The following RGL1 variants were observed in gnomAD, a reference collection of about 807,000 sequenced individuals.
RGL1 encodes ral guanine nucleotide dissociation stimulator like 1.
In RGL1, 24 loss-of-function variants were observed where a neutral mutation model predicts 95.2. That is an observed-to-expected ratio of 0.25 (90% CI 0.18 to 0.35). The LOEUF (loss-of-function observed/expected upper bound fraction) is 0.35, where lower values mean the gene tolerates loss of function less well. Ranked by LOEUF, RGL1 falls within the 10% of genes least tolerant of loss-of-function variation. The pLI is 1.00. For synonymous variants in RGL1, 329 were observed against 344.9 expected, an observed-to-expected ratio of 0.95 and a Z score of 0.51; for missense variants, 715 against 936.3, an observed-to-expected ratio of 0.76 and a Z score of 3.08.
chr1:183,822,960 A>G (rs1044370242), intron 2 of RGL1, among the ~76,000 whole-genome samples: 1 of 152,192 alleles, frequency 6.6e-6, no homozygotes, highest in African/African-American at 2.4e-5. Context: ...TTAATGCCAG[A>G]CATCTTTAAA....
At chr1:183,732,980 C>T (rs545660167) in intron 1 of RGL1, among the ~76,000 whole-genome samples, 29 of 152,226 alleles carry the variant, frequency 1.9e-4, no homozygotes, top group African/African-American at 6.5e-4. Context: ...TAAAATAATG[C>T]GAGGGTTTCA....
At chr1:183,872,737 A>G (rs2102614199) in intron 4 of RGL1, among the ~76,000 whole-genome samples, 1 of 152,338 alleles carries the variant, frequency 6.6e-6, no homozygotes, top group Middle Eastern at 3.4e-3. Context: ...GTGGAAAGTT[A>G]AAAAATCTTC....
chr1:183,706,717 G>A (rs1245545564), intron 1 of RGL1, among the ~76,000 whole-genome samples: 5 of 151,272 alleles, frequency 3.3e-5, no homozygotes, highest in Admixed American at 6.6e-5. Context: ...TGCGGCCCCC[G>A]TGGGCCCACA....
chr1:183,799,646 T>G (rs1391514579), intron 2 of RGL1, among the ~76,000 whole-genome samples: 2 of 152,252 alleles, frequency 1.3e-5, no homozygotes, highest in Admixed American at 6.5e-5. Flanking sequence ...ATTTTTAAAA[T>G]CAGGTTGGTT....
At chr1:183,768,767 A>C (rs367608939) in intron 2 of RGL1, among the ~76,000 whole-genome samples, 1 of 152,252 alleles carries the variant, frequency 6.6e-6, no homozygotes, top group East Asian at 1.9e-4. Context: ...CCAGCCAGTA[A>C]CTTCTGAATT....
intron 1 of RGL1, among the ~76,000 whole-genome samples, chr1:183,725,517 G>A (rs528851305): frequency 6.6e-6 from 1 of 151,982 alleles, no homozygotes; most frequent in African/African-American, 2.4e-5. Flanking sequence ...GAAAAGCTGG[G>A]AAAAGATAAA....
At chr1:183,779,810 A>G (rs923519499) in intron 2 of RGL1, among the ~76,000 whole-genome samples, 1 of 151,670 alleles carries the variant, frequency 6.6e-6, no homozygotes, top group African/African-American at 2.4e-5. Flanking sequence ...TTTTTTTTGA[A>G]TGATAGGAAA....
chr1:183,779,884 T>G (rs1421398013), intron 2 of RGL1, among the ~76,000 whole-genome samples: 1 of 152,044 alleles, frequency 6.6e-6, no homozygotes, highest in African/African-American at 2.4e-5. Flanking sequence ...AGTGTGTGGG[T>G]GAAGAATGTA....
chr1:183,793,649 C>T lies in RGL1; in HGVS notation c.133-12726C>T, dbSNP rs570471135. On this transcript the variant is annotated intron_variant, in intron 2 of 18. Coordinates refer to the RGL1 transcript ENST00000304685. ...CAGACATTTCTCAAAAAAAGACATA[C>T]AATTTGCCAACAGGTATATGAAAAA... 2.0e-5 allele frequency among the ~76,000 whole-genome samples: 3 copies of T among 151,706 alleles called. No homozygotes were observed. The East Asian group carries it at 5.8e-4, about 29-fold the overall frequency.
intron 1 of RGL1, among the ~76,000 whole-genome samples, chr1:183,643,581 G>A (rs1650086817): frequency 6.6e-6 from 1 of 152,010 alleles, no homozygotes. Context: ...GTGAGCCACC[G>A]CGCCCGGCCC....
chr1:183,669,055 G>A (rs1049277700), intron 1 of RGL1, among the ~76,000 whole-genome samples: 23 of 149,538 alleles, frequency 1.5e-4, no homozygotes, highest in African/African-American at 5.2e-4. Flanking sequence ...TGATTCTCCT[G>A]CCTCAGTCTC....
chr1:183,923,652 G>T (rs7552871), intron 17 of RGL1, among the ~76,000 whole-genome samples: 39,362 of 151,792 alleles, frequency 0.26, 5,420 homozygotes, highest in Non-Finnish European at 0.3. Flanking sequence ...ATACCCTGCT[G>T]GTTCCTCATA....
At chr1:183,714,566 A>G (rs1480632343) in intron 1 of RGL1, among the ~76,000 whole-genome samples, 1 of 152,200 alleles carries the variant, frequency 6.6e-6, no homozygotes, top group Non-Finnish European at 1.5e-5. Context: ...ATGTAATTTA[A>G]GCCCCTTGAT....
intron 2 of RGL1, among the ~76,000 whole-genome samples, chr1:183,823,926 A>G (rs145036608): frequency 2.3e-4 from 35 of 152,260 alleles, no homozygotes; most frequent in African/African-American, 7.9e-4. Context: ...GGCTAGGACT[A>G]CAGGCCTATG....
intron 14 of RGL1, among the ~76,000 whole-genome samples, chr1:183,908,036 A>G (rs1052629622): frequency 3.3e-5 from 5 of 152,036 alleles, no homozygotes; most frequent in Non-Finnish European, 5.9e-5. Context: ...ACAAATATAT[A>G]TATATATTTA....
chr1:183,687,854 C>G (rs1322713813), intron 1 of RGL1, among the ~76,000 whole-genome samples: 1 of 151,978 alleles, frequency 6.6e-6, no homozygotes, highest in African/African-American at 2.4e-5. Context: ...TCCTGAAATA[C>G]TATATATTTT....
intron 4 of RGL1, among the ~76,000 whole-genome samples, chr1:183,868,842 G>T (rs114249177): frequency 6.6e-6 from 1 of 152,190 alleles, no homozygotes. Context: ...CTGGCCGGGC[G>T]TGGTGGCTCA....
intron 2 of RGL1, among the ~76,000 whole-genome samples, chr1:183,836,469 A>G (rs1174839787): frequency 1.3e-5 from 2 of 150,742 alleles, no homozygotes; most frequent in Non-Finnish European, 2.9e-5. Context: ...GGGTTTCTCC[A>G]TGTTGGCCAG....
intron 1 of RGL1, among the ~76,000 whole-genome samples, chr1:183,735,154 C>A (rs1169162619): frequency 6.6e-6 from 1 of 152,088 alleles, no homozygotes; most frequent in Admixed American, 6.6e-5. Context: ...TTGGACCAGT[C>A]TTTTAAAATA....
Sources: allele counts gnomAD v4.1 joint callset (sites outside exome capture counted in the v4.1 genomes callset), GRCh38; gene constraint gnomAD v4.1.1; transcripts MANE v1.5; gene names NCBI Gene and HGNC (gene_info 2026-07-23, HGNC 2026-07-21).